The following GAP43 variants were observed in gnomAD, a reference collection of about 807,000 sequenced individuals.
GAP43 encodes the protein neuromodulin.
GAP43 carries 6 observed loss-of-function variants against 18.6 expected under a neutral mutation model. The observed-to-expected ratio is 0.32, with a 90% CI of 0.18 to 0.64. The LOEUF is 0.64. Ranked by LOEUF, GAP43 falls within the 30% of genes least tolerant of loss-of-function variation. The pLI is 0.78. For missense variants in GAP43, 292 were observed against 295.5 expected, an observed-to-expected ratio of 0.99 and a Z score of 0.09; for synonymous variants, 115 against 111.4, an observed-to-expected ratio of 1.03 and a Z score of -0.20.
intron 1 of GAP43, among the ~76,000 whole-genome samples, chr3:115,649,144 G>A (rs1708493995): frequency 6.6e-6 from 1 of 152,030 alleles, no homozygotes; most frequent in Admixed American, 6.6e-5. Flanking sequence ...AGTTCTGTAT[G>A]CTGATCCAGG....
intron 2 of GAP43, among the ~76,000 whole-genome samples, chr3:115,719,238 A>G (rs1206192186): frequency 6.6e-6 from 1 of 151,194 alleles, no homozygotes; most frequent in Non-Finnish European, 1.5e-5. Context: ...CCATTTTAAG[A>G]CAGAGGCATC....
Position 115,642,896 on chromosome 3 carries a change from G to C in GAP43, c.30+19177G>C, listed in dbSNP as rs114136672. 6.1e-3 allele frequency among the ~76,000 whole-genome samples: 923 copies of C among 152,164 alleles called. 8 individuals are homozygous for C. Among genetic ancestry groups the C allele is most frequent in the Non-Finnish European group, 0.01 (703 of 67,974 alleles). On this transcript the variant is annotated intron_variant, in intron 1 of 2. Transcript: ENST00000305124. ...GTTTCTGGATTTTAGGGGTATATGT[G>C]TGTGTTTGTGTGAATGTATGCATAC...
intron 2 of GAP43, among the ~76,000 whole-genome samples, chr3:115,707,584 C>T (rs1472813476): frequency 1.3e-5 from 2 of 152,184 alleles, no homozygotes; most frequent in Non-Finnish European, 2.9e-5. Context: ...AGCCACTGCA[C>T]TCAGCCTGAG....
chr3:115,667,566 C>T (rs1708749386), intron 1 of GAP43, among the ~76,000 whole-genome samples: 1 of 152,226 alleles, frequency 6.6e-6, no homozygotes, highest in African/African-American at 2.4e-5. Flanking sequence ...TTCGCAGTGT[C>T]TTACCTGGAA....
chr3:115,709,793 T>C (rs2107374503), intron 2 of GAP43, among the ~76,000 whole-genome samples: 1 of 152,122 alleles, frequency 6.6e-6, no homozygotes, highest in East Asian at 1.9e-4. Context: ...CTTTAAAGTC[T>C]CAAATGGCAT....
rs755977205 is a variant in GAP43, at chr3:115,721,048, A to T, written c.*166A>T. On this transcript the variant is annotated 3_prime_UTR_variant, in exon 3 of 3. Coordinates refer to ENST00000305124, the MANE Select transcript of GAP43 (RefSeq NM_002045.4). The stretch of plus-strand genomic sequence containing the variant: ...CTTTCTCTCTGTGTGGCAAACATTT[A>T]AAAAAAAAAAAAAAAAGCAGGAAAG... 17 of 123,218 alleles carry T rather than the reference A, an allele frequency of 1.4e-4. No homozygotes were observed. The highest frequency in any genetic ancestry group is 2.7e-4 in the African/African-American group (7 of 25,998). 7.6% of individuals were successfully genotyped at this position (123,218 alleles called of 1,614,324 possible). A position where few individuals can be genotyped will look rare whatever the true frequency, so the allele number is the denominator to read the frequency against.
intron 2 of GAP43, among the ~76,000 whole-genome samples, chr3:115,690,745 TTTTC>T (rs1313427649): frequency 1.1e-4 from 17 of 150,388 alleles, no homozygotes; most frequent in African/African-American, 3.2e-4. Flanking sequence ...TTTTTTTTTT[TTTTC>T]TTTCTTTCTT....
intron 1 of GAP43, among the ~76,000 whole-genome samples, chr3:115,630,160 A>G (rs1708244076): frequency 6.6e-6 from 1 of 152,196 alleles, no homozygotes; most frequent in African/African-American, 2.4e-5. Context: ...AACTCTTACA[A>G]ATAGACCGTA....
At chr3:115,713,122 G>T (rs1709462456) in intron 2 of GAP43, among the ~76,000 whole-genome samples, 1 of 152,122 alleles carries the variant, frequency 6.6e-6, no homozygotes, top group Non-Finnish European at 1.5e-5. Context: ...TAAAGAAAAA[G>T]ACTGTGTGAG....
chr3:115,679,490 G>A (rs918807936), intron 2 of GAP43, among the ~76,000 whole-genome samples: 1 of 152,088 alleles, frequency 6.6e-6, no homozygotes, highest in African/African-American at 2.4e-5. Flanking sequence ...TACGTGCCTG[G>A]GACCAAAACA....
chr3:115,701,813 T>G (rs1391821063), intron 2 of GAP43, among the ~76,000 whole-genome samples: 2 of 152,246 alleles, frequency 1.3e-5, no homozygotes, highest in South Asian at 2.1e-4. Flanking sequence ...TTCCTCCCAT[T>G]GGCTATTACT....
chr3:115,692,604 T>C (rs1231123935), intron 2 of GAP43, among the ~76,000 whole-genome samples: 1 of 152,174 alleles, frequency 6.6e-6, no homozygotes, highest in Non-Finnish European at 1.5e-5. Context: ...GAAATGAGCA[T>C]TATGATGAAG....
At chr3:115,632,514 G>A (rs1296383591) in intron 1 of GAP43, among the ~76,000 whole-genome samples, 1 of 152,068 alleles carries the variant, frequency 6.6e-6, no homozygotes, top group Non-Finnish European at 1.5e-5. Context: ...CTGTGTCCCT[G>A]GGCATGACTG....
In GAP43 at chr3:115,687,705, A is replaced by G. The variant is rs138122845; in HGVS notation, c.628+11095A>G. Among the ~76,000 whole-genome samples, 310 of 152,268 alleles carry G rather than the reference A, an allele frequency of 2.0e-3. 1 individual carries two copies. The highest frequency in any genetic ancestry group is 7.1e-3 in the African/African-American group (297 of 41,556). On this transcript the variant is annotated intron_variant, in intron 2 of 2. Transcript: ENST00000305124. ...TTGGGGTCCTATCTCGCAATCCCCT[A>G]CACCTCTACCAAACTATTTCGTGAT...
At chr3:115,657,366 A>G (rs1310626473) in intron 1 of GAP43, among the ~76,000 whole-genome samples, 1 of 152,236 alleles carries the variant, frequency 6.6e-6, no homozygotes, top group African/African-American at 2.4e-5. Context: ...ACCCATAGTT[A>G]CCACCAGATG....
intron 2 of GAP43, among the ~76,000 whole-genome samples, chr3:115,715,958 T>C (rs541023006): frequency 6.6e-6 from 1 of 152,200 alleles, no homozygotes; most frequent in African/African-American, 2.4e-5. Context: ...TCAGTCTCCC[T>C]GTGTTTCAGT....
chr3:115,672,743 C>CCTCTCCTCTCCTCTCCTCTT (rs1708829637), intron 1 of GAP43, among the ~76,000 whole-genome samples: 1 of 148,104 alleles, frequency 6.8e-6, no homozygotes, highest in South Asian at 2.3e-4. Flanking sequence ...CCTCTCCTCT[C>CCTCTCCTCTCCTCTCCTCTT]CTCTCCTCTC....
Position 115,623,734 on chromosome 3 carries a change from T to C in GAP43, c.30+15T>C. 1.2e-6 allele frequency: 2 copies of C among 1,614,014 alleles called. No homozygotes were observed. The highest frequency in any genetic ancestry group is 1.7e-6 in the Non-Finnish European group (2 of 1,179,882). On this transcript the variant is annotated intron_variant, in intron 1 of 2. Transcript: ENST00000305124. ...GAACCAAACAGGTAGAGCTAAAGAT[T>C]TTTTACTTCTTGCTGTTGTGAAATA...
chr3:115,698,157 ATAT>A (rs1709236638), intron 2 of GAP43, among the ~76,000 whole-genome samples: 1 of 50,180 alleles, frequency 2.0e-5, no homozygotes, highest in African/African-American at 7.6e-5. Context: ...ATTATATATA[ATAT>A]ATAAAATATA....
Sources: gnomAD v4.1 joint callset for allele counts (sites outside exome capture counted in the v4.1 genomes callset) on GRCh38, gnomAD v4.1.1 for gene constraint, MANE v1.5 for transcripts, NCBI Gene and HGNC (gene_info 2026-07-23, HGNC 2026-07-21) for gene names.